Variants in HNRNPUL2 observed in about 807,000 individuals in gnomAD.
The protein encoded by HNRNPUL2 is heterogeneous nuclear ribonucleoprotein U-like protein 2.
A neutral mutation model predicts 102.2 loss-of-function variants in HNRNPUL2; 27 were observed. The ratio of observed to expected loss-of-function variants is 0.26; its 90% confidence interval spans 0.19 to 0.36. The LOEUF (loss-of-function observed/expected upper bound fraction) is 0.36. HNRNPUL2 is among the 10% of genes least tolerant of loss of function. The pLI is 1.00. For synonymous variants in HNRNPUL2, 458 were observed against 387.2 expected, an observed-to-expected ratio of 1.18 and a Z score of -2.15; for missense variants, 936 against 981.1, an observed-to-expected ratio of 0.95 and a Z score of 0.61.
Position 62,723,726 on chromosome 11 carries a change from T to G in HNRNPUL2, c.752A>C (p.Tyr251Ser), listed in dbSNP as rs2083722131. 8 of 1,614,054 alleles carry G rather than the reference T, an allele frequency of 5.0e-6. No homozygotes were observed. Among genetic ancestry groups the G allele is most frequent in the Non-Finnish European group, 6.8e-6 (8 of 1,180,008 alleles). Residue 251 changes from tyrosine to serine, a missense_variant and splice_region_variant, in exon 4 of 14, where the codon TAT (tyrosine) becomes TCT (serine). Physicochemically the swap from Tyr to Ser is moderately radical, Grantham distance 144. This residue lies in a region of HNRNPUL2 where 609 missense variants were observed against 713.0 expected (regional missense o/e 0.85). Coordinates refer to ENST00000301785, the MANE Select transcript of HNRNPUL2 (RefSeq NM_001079559.3). ...EDQTLVNLDTYTSDLHFQVSK... is the reference protein window; with the variant it reads ...EDQTLVNLDTSTSDLHFQVSK... Reference sequence around the variant, plus strand: ...CACTTGAAAATGCAGATCCGAGGTATCTGTAAAGAAAGAAGCAATCAGTTT... The same window carrying G: ...CACTTGAAAATGCAGATCCGAGGTAGCTGTAAAGAAAGAAGCAATCAGTTT...
rs200711214 is a variant in HNRNPUL2, at chr11:62,715,539, G to A, written c.2124C>T (p.Tyr708=). The A allele has an allele frequency of 2.2e-5, 35 of 1,612,484 alleles. No individual in the cohort carries two copies. Among genetic ancestry groups the A allele is most frequent in the Admixed American group, 3.3e-5 (2 of 59,946 alleles). The part of the protein sequence containing the change: ...YDRFYGRDYE[Y]NRYRDYYRQY... ...GTCTGTAATAGTCTCTGTATCTGTT[G>A]TACTCATAATCTCGCCCGTAAAATC... Residue 708 remains tyrosine, a synonymous_variant, in exon 13 of 14, where the codon TAC becomes TAT. Coordinates refer to ENST00000301785, the MANE Select transcript of HNRNPUL2 (RefSeq NM_001079559.3).
At position 62,722,794 on chromosome 11, in the gene HNRNPUL2, C is replaced by G. The variant is rs2134779109; in HGVS notation, c.982+19G>C. The stretch of plus-strand genomic sequence containing the variant: ...TATGGTAGTAAACACTAATGAGGAA[C>G]TTAAAGAAATAACTTTACCAAGCTG... On this transcript the variant is annotated intron_variant, in intron 5 of 13. Coordinates refer to ENST00000301785, the MANE Select transcript of HNRNPUL2 (RefSeq NM_001079559.3). 6.2e-7 allele frequency: 1 copy of G among 1,612,890 alleles called. No homozygotes were observed. Among genetic ancestry groups the G allele is most frequent in the East Asian group, 2.2e-5 (1 of 44,876 alleles).
At chr11:62,719,889 A>T in intron 10 of HNRNPUL2, 134 bp downstream of exon 10, 1 of 780,112 alleles carries the variant, frequency 1.3e-6, no homozygotes. Flanking sequence ...AGCAAGAAGG[A>T]CCTCACCAGA....
chr11:62,725,043 G>GC (rs1455985729), intron 1 of HNRNPUL2, among the ~76,000 whole-genome samples: 2 of 152,114 alleles, frequency 1.3e-5, no homozygotes, highest in African/African-American at 4.8e-5. Context: ...AAATAATACC[G>GC]CATCTAGACT....
At chr11:62,715,797 G>C in intron 12 of HNRNPUL2, 67 bp downstream of exon 12, 10 of 1,454,662 alleles carry the variant, frequency 6.9e-6, no homozygotes, top group Non-Finnish European at 9.6e-6. Flanking sequence ...AAACCACTCT[G>C]CTCCCCCAAG....
intron 1 of HNRNPUL2, 111 bp downstream of exon 1, chr11:62,726,508 G>A: frequency 5.4e-6 from 6 of 1,108,216 alleles, no homozygotes; most frequent in South Asian, 1.8e-5. Context: ...CCATCAAATG[G>A]CACTTTGAGG....
intron 1 of HNRNPUL2, among the ~76,000 whole-genome samples, chr11:62,725,208 A>AT (rs2083735867): frequency 6.6e-6 from 1 of 151,964 alleles, no homozygotes; most frequent in Admixed American, 6.6e-5. Context: ...TTCAATATAT[A>AT]TTTTTTTGAG....
intron 10 of HNRNPUL2, among the ~76,000 whole-genome samples, chr11:62,717,410 A>C (rs1394415559): frequency 6.6e-6 from 1 of 152,224 alleles, no homozygotes; most frequent in African/African-American, 2.4e-5. Context: ...GGCTATGTAG[A>C]TTTACAAGTT....
At chr11:62,718,728 G>C (rs901079085) in intron 10 of HNRNPUL2, among the ~76,000 whole-genome samples, 2 of 139,958 alleles carry the variant, frequency 1.4e-5, no homozygotes, top group East Asian at 4.2e-4. Context: ...AATAAGAAAT[G>C]TAGACAAACA....
chr11:62,719,469 AC>A (rs2083684098), intron 10 of HNRNPUL2, among the ~76,000 whole-genome samples: 1 of 152,100 alleles, frequency 6.6e-6, no homozygotes, highest in African/African-American at 2.4e-5. Context: ...ACCAAAACAA[AC>A]CAAGAAAACA....
intron 4 of HNRNPUL2, 42 bp downstream of exon 4, chr11:62,723,545 A>G: frequency 1.3e-6 from 2 of 1,540,560 alleles, no homozygotes; most frequent in East Asian, 2.4e-5. Context: ...GTAAGCATCC[A>G]GTAATAAATG....
At chr11:62,716,325 A>G (rs1191490202) in intron 11 of HNRNPUL2, among the ~76,000 whole-genome samples, 1 of 152,206 alleles carries the variant, frequency 6.6e-6, no homozygotes, top group African/African-American at 2.4e-5. Context: ...AAAAGAAACA[A>G]AGTCTCTGTA....
chr11:62,720,167 G>T lies in HNRNPUL2; in HGVS notation c.1636C>A (p.Arg546=). The change falls in exon 10 of 14, where the codon CGG becomes AGG. Residue 546 remains arginine (R), a synonymous_variant. Coordinates refer to ENST00000301785, the MANE Select transcript of HNRNPUL2 (RefSeq NM_001079559.3). Reference sequence around the variant, plus strand: ...GTCTTGAACAGCAATAGCTTCCGCCGTTGGCCAGAATTGTACACATTACAC... The same window carrying T: ...GTCTTGAACAGCAATAGCTTCCGCCTTTGGCCAGAATTGTACACATTACAC... ...DQCNVYNSGQ[R]RKLLLFKTFS... is the part of the protein sequence containing the mutation. The T allele has an allele frequency of 6.2e-7, 1 of 1,614,006 alleles. No homozygotes were observed. Among genetic ancestry groups the T allele is most frequent in the Middle Eastern group, 1.6e-4 (1 of 6,062 alleles).
rs1344948998 is a variant in HNRNPUL2, at chr11:62,722,615, T to C, written c.1081A>G (p.Ile361Val). 2.5e-6 allele frequency: 4 copies of C among 1,613,656 alleles called. No homozygotes were observed. In the South Asian group the frequency reaches 4.4e-5, roughly 18 times the overall value. Residue 361 changes from isoleucine to valine, a missense_variant, in exon 6 of 14, where the codon ATT becomes GTT. This residue lies in a region of HNRNPUL2 where 609 missense variants were observed against 713.0 expected (regional missense o/e 0.85). Transcript: ENST00000301785. ...FGQTFGENDV[I>V]GCFANFETEE... ...GGAGCACTTACAGCAAAGCAGCCAA[T>C]AACATCATTCTCCCCAAAAGTCTGG...
chr11:62,725,682 G>A (rs75598017), intron 1 of HNRNPUL2, among the ~76,000 whole-genome samples: 188 of 152,296 alleles, frequency 1.2e-3, no homozygotes, highest in Non-Finnish European at 2.2e-3. Flanking sequence ...CAAAAGAACT[G>A]AGGCCACCCA....
At position 62,727,280 on chromosome 11, in the gene HNRNPUL2, G is replaced by C. The variant is rs1248101362; in HGVS notation, c.-124C>G. ...TCACGCGCCAGCACTGAGCCCGCGC[G>C]AGCGAGCGCACGCACGCAGGAGCGG... On this transcript the variant is annotated 5_prime_UTR_variant, in exon 1 of 14. Coordinates refer to ENST00000301785, the MANE Select transcript of HNRNPUL2 (RefSeq NM_001079559.3). 18 of 1,182,244 alleles carry C rather than the reference G, an allele frequency of 1.5e-5. No homozygotes were observed. The highest frequency in any genetic ancestry group is 4.4e-5 in the Admixed American group (1 of 22,526). The allele number at this position is 1,182,244 out of a possible 1,614,324, so 73.2% of individuals were successfully genotyped here.
Position 62,727,193 on chromosome 11 carries a change from C to G in HNRNPUL2, c.-37G>C. On this transcript the variant is annotated 5_prime_UTR_variant, in exon 1 of 14. Coordinates refer to ENST00000301785, the MANE Select transcript of HNRNPUL2 (RefSeq NM_001079559.3). ...CCTCCTCCGCCTCCCGCCGCCTCCT[C>G]CCCTGCGAACCGTCGACCGAGTCCG... 7.2e-7 allele frequency: 1 copy of G among 1,382,602 alleles called. No homozygotes were observed. Among genetic ancestry groups the G allele is most frequent in the Non-Finnish European group, 9.4e-7 (1 of 1,069,264 alleles). 85.6% of individuals were successfully genotyped at this position (1,382,602 alleles called of 1,614,324 possible). A position where few individuals can be genotyped will look rare whatever the true frequency, so the allele number is the denominator to read the frequency against.
chr11:62,725,274 C>A (rs1051927840), intron 1 of HNRNPUL2, among the ~76,000 whole-genome samples: 1 of 152,106 alleles, frequency 6.6e-6, no homozygotes, highest in Admixed American at 6.6e-5. Context: ...CTCAGCTCAC[C>A]GCAACCTCCG....
intron 10 of HNRNPUL2, 31 bp from the exon 11 acceptor site, chr11:62,717,220 T>C (rs751510005): frequency 2.6e-6 from 4 of 1,551,652 alleles, no homozygotes; most frequent in Non-Finnish European, 2.7e-6. Flanking sequence ...CTTGTGGGCC[T>C]GAAAAGTGCA....
Sources: allele counts gnomAD v4.1 joint callset (sites outside exome capture counted in the v4.1 genomes callset), GRCh38; gene constraint gnomAD v4.1.1; regional missense constraint gnomAD v4.1.1; transcripts MANE v1.5; gene names NCBI Gene and HGNC (gene_info 2026-07-23, HGNC 2026-07-21).